The following METTL27 variants were observed in gnomAD, a reference collection of about 807,000 sequenced individuals.
METTL27 encodes the protein methyltransferase-like protein 27.
A neutral mutation model predicts 24.5 loss-of-function variants in METTL27; 29 were observed. The observed-to-expected ratio is 1.18, with a 90% CI of 0.88 to 1.61. METTL27 has a LOEUF of 1.61. Ranked by LOEUF, METTL27 falls within the 40% of genes most tolerant of loss-of-function variation. The pLI, the probability that METTL27 is intolerant of heterozygous loss-of-function variation, is 0.00. For synonymous variants in METTL27, 138 were observed against 146.8 expected (o/e 0.94, Z 0.43); for missense variants, 341 against 324.3 (o/e 1.05, Z -0.40).
At chr7:73,840,314 G>T in intron 4 of METTL27, 100 bp downstream of exon 4, 1 of 1,525,118 alleles carries the variant, frequency 6.6e-7, no homozygotes, top group South Asian at 1.3e-5. Flanking sequence ...AGGGTTGAGT[G>T]AGGGACTGGG....
At chr7:73,842,207 C>T in intron 1 of METTL27, 63 bp from the exon 2 acceptor site, 3 of 1,545,292 alleles carry the variant, frequency 1.9e-6, no homozygotes, top group Non-Finnish European at 2.6e-6. Context: ...TCCTTTCCCC[C>T]TTCCCTCCTC....
chr7:73,840,628 T>C (rs1278159416), intron 3 of METTL27, 79 bp from the exon 4 acceptor site: 9 of 1,504,278 alleles, frequency 6.0e-6, no homozygotes, highest in Non-Finnish European at 8.0e-6. Flanking sequence ...GGCAGGGCAG[T>C]GGACTCTGCA....
chr7:73,842,409 C>G, intron 1 of METTL27, 81 bp downstream of exon 1: 1 of 443,456 alleles, frequency 2.3e-6, no homozygotes. Context: ...TCCTCTTTTC[C>G]GCCCTCCGAC....
chr7:73,838,529 G>A (rs1788269453), intron 5 of METTL27, among the ~76,000 whole-genome samples: 1 of 152,166 alleles, frequency 6.6e-6, no homozygotes, highest in African/African-American at 2.4e-5. Flanking sequence ...CCTGGAGGAG[G>A]GGGTAAGGAG....
intron 5 of METTL27, among the ~76,000 whole-genome samples, chr7:73,836,297 C>T (rs1246065880): frequency 7.2e-6 from 1 of 139,542 alleles, no homozygotes; most frequent in Admixed American, 6.9e-5. Flanking sequence ...GCCCCCCGCC[C>T]GGCCAGCTGC....
At position 73,834,663 on chromosome 7, in the gene METTL27, G is replaced by A; in HGVS notation, c.*80C>T. On this transcript the variant is annotated 3_prime_UTR_variant, in exon 6 of 6. Coordinates refer to ENST00000297873, the MANE Select transcript of METTL27 (RefSeq NM_152559.3). ...TGGTTCGGAGGTCCCATTTTACAGGGGAGGCAGAGGAGGCCCAGCAGATGG... is the reference window on the plus strand; with the variant it reads ...TGGTTCGGAGGTCCCATTTTACAGGAGAGGCAGAGGAGGCCCAGCAGATGG... 1.1e-5 allele frequency: 14 copies of A among 1,307,932 alleles called. No individual in the cohort carries two copies. The highest frequency in any genetic ancestry group is 1.5e-5 in the African/African-American group (1 of 68,490). The allele number at this position is 1,307,932 out of a possible 1,614,324, so 81.0% of individuals were successfully genotyped here. A position where few individuals can be genotyped will look rare whatever the true frequency, so the allele number is the denominator to read the frequency against.
At chr7:73,838,627 G>A (rs1788273057) in intron 5 of METTL27, among the ~76,000 whole-genome samples, 1 of 152,218 alleles carries the variant, frequency 6.6e-6, no homozygotes, top group Non-Finnish European at 1.5e-5. Flanking sequence ...GCCTGATGGG[G>A]CTGAAGGGCT....
In METTL27 at chr7:73,834,863, G is replaced by A. The variant is rs141574320; in HGVS notation, c.618C>T (p.Thr206=). 1.4e-4 allele frequency: 227 copies of A among 1,611,424 alleles called. No homozygotes were observed. The highest frequency in any genetic ancestry group is 1.7e-4 in the Non-Finnish European group (206 of 1,178,214). The part of the protein sequence containing the change: ...LVAWPVDRLW[T]AGSWLPPSWR... ...AGCTCGGAGGTAGCCAGCTCCCAGC[G>A]GTCCACAGGCGGTCCACAGGCCAGG... Residue 206 remains threonine (T), a synonymous_variant, in exon 6 of 6, where the codon ACC becomes ACT. Transcript: ENST00000297873.
At chr7:73,835,299 A>T (rs1277190575) in intron 5 of METTL27, among the ~76,000 whole-genome samples, 1 of 142,466 alleles carries the variant, frequency 7.0e-6, no homozygotes, top group South Asian at 2.3e-4. Flanking sequence ...TACTGCTGCC[A>T]TCTCGGCTCA....
In METTL27 at chr7:73,834,668, C is replaced by A. The variant is rs1478073400; in HGVS notation, c.*75G>T. 7.3e-7 allele frequency: 1 copy of A among 1,363,260 alleles called. No individual in the cohort carries two copies. The highest frequency in any genetic ancestry group is 2.0e-5 in the Admixed American group (1 of 48,938). The allele number at this position is 1,363,260 out of a possible 1,614,324, so 84.4% of individuals were successfully genotyped here. On this transcript the variant is annotated 3_prime_UTR_variant, in exon 6 of 6. Transcript: ENST00000297873. ...CGGAGGTCCCATTTTACAGGGGAGG[C>A]AGAGGAGGCCCAGCAGATGGGCCCA...
At chr7:73,842,240 G>T in intron 1 of METTL27, 96 bp from the exon 2 acceptor site, 1 of 1,495,648 alleles carries the variant, frequency 6.7e-7, no homozygotes, top group Non-Finnish European at 8.8e-7. Context: ...AGGCTGCCAG[G>T]CCTCCTGCCA....
At chr7:73,835,810 G>A (rs1341670270) in intron 5 of METTL27, among the ~76,000 whole-genome samples, 4 of 106,196 alleles carry the variant, frequency 3.8e-5, no homozygotes, top group African/African-American at 1.3e-4. Flanking sequence ...GAAGTGAGGA[G>A]CGTCTCTGCC....
chr7:73,838,446 C>A (rs998514663), intron 5 of METTL27, among the ~76,000 whole-genome samples: 1 of 152,132 alleles, frequency 6.6e-6, no homozygotes, highest in African/African-American at 2.4e-5. Context: ...CTATAGTGTG[C>A]GTGCCCAGGG....
chr7:73,835,177 C>T (rs573201789), intron 5 of METTL27, 175 bp from the exon 6 acceptor site: 77,231 of 739,546 alleles, frequency 0.1, 6,838 homozygotes, highest in Non-Finnish European at 0.11. Flanking sequence ...CCCTCCTCTC[C>T]CTCCTCTCCC....
rs374062552 is a variant in METTL27, at chr7:73,840,132, T to TGG, written c.389-14_389-13dup. ...CGCGTCGAAGGTCCCTGTGTGTGTG[T>TGG]GGGGGGGGGTGGGGACATGGTGTGA... On this transcript the variant is annotated splice_polypyrimidine_tract_variant and intron_variant, in intron 4 of 5. Transcript: ENST00000297873. 8.9e-5 allele frequency: 73 copies of TGG among 820,846 alleles called. No homozygotes were observed. Among genetic ancestry groups the TGG allele is most frequent in the African/African-American group, 1.5e-4 (6 of 40,074 alleles). The allele number at this position is 820,846 out of a possible 1,614,324, so 50.8% of individuals were successfully genotyped here. A position where few individuals can be genotyped will look rare whatever the true frequency, so the allele number is the denominator to read the frequency against.
At chr7:73,840,688 T>C in intron 3 of METTL27, 139 bp from the exon 4 acceptor site, 5 of 1,267,072 alleles carry the variant, frequency 3.9e-6, no homozygotes, top group Non-Finnish European at 5.3e-6. Flanking sequence ...AGACAAGGTC[T>C]CTCTCTGTCG....
At chr7:73,840,391 T>C in intron 4 of METTL27, 23 bp downstream of exon 4, 3 of 1,557,392 alleles carry the variant, frequency 1.9e-6, no homozygotes, top group Non-Finnish European at 2.6e-6. Flanking sequence ...GGCCTCGGGG[T>C]GTGGAGGTGG....
At chr7:73,838,799 A>G (rs1203993373) in intron 5 of METTL27, among the ~76,000 whole-genome samples, 8 of 150,938 alleles carry the variant, frequency 5.3e-5, no homozygotes, top group African/African-American at 2.0e-4. Flanking sequence ...AGACCTGCCC[A>G]GGCTTAGCCA....
intron 5 of METTL27, among the ~76,000 whole-genome samples, chr7:73,835,554 G>A (rs1242492223): frequency 3.5e-5 from 5 of 141,188 alleles, no homozygotes; most frequent in South Asian, 2.3e-4. Context: ...GCGTGATCTC[G>A]GCTCGCTACA....
Sources: gnomAD v4.1 joint callset for allele counts (sites outside exome capture counted in the v4.1 genomes callset) on GRCh38, gnomAD v4.1.1 for gene constraint, MANE v1.5 for transcripts, NCBI Gene and HGNC (gene_info 2026-07-23, HGNC 2026-07-21) for gene names.